Variants in C1QL3 observed in about 807,000 individuals in gnomAD.
C1QL3 encodes the protein complement C1q-like protein 3.
In C1QL3, 4 loss-of-function variants were observed where a neutral mutation model predicts 16.6. That is an observed-to-expected ratio of 0.24 (90% confidence interval 0.12 to 0.55). The LOEUF (loss-of-function observed/expected upper bound fraction) is 0.55. Ranked by LOEUF, C1QL3 falls within the 20% of genes least tolerant of loss-of-function variation. The pLI is 0.94. For synonymous variants in C1QL3, 189 were observed against 160.2 expected (o/e 1.18, Z -1.36); for missense variants, 269 against 365.6 (o/e 0.74, Z 2.16).
In C1QL3 at chr10:16,517,175, G is replaced by A. The variant is rs150327116; in HGVS notation, c.589-2468C>T. On this transcript the variant is annotated intron_variant, in intron 1 of 1. Coordinates refer to ENST00000298943, the MANE Select transcript of C1QL3 (RefSeq NM_001010908.2). ...GAATAAGATCCATCCTTCCTTCAGCGCAATCAACCGATTTCTACCTGAATT... is the reference window on the plus strand; with the variant it reads ...GAATAAGATCCATCCTTCCTTCAGCACAATCAACCGATTTCTACCTGAATT... 3.7e-3 allele frequency among the ~76,000 whole-genome samples: 565 copies of A among 152,192 alleles called. 1 individual carries two copies. Among genetic ancestry groups the A allele is most frequent in the African/African-American group, 0.013 (531 of 41,522 alleles).
At position 16,521,425 on chromosome 10, in the gene C1QL3, C is replaced by A; in HGVS notation, c.-360G>T. The A allele has an allele frequency of 5.5e-6, 1 of 180,546 alleles. No homozygotes were observed. Among genetic ancestry groups the A allele is most frequent in the Middle Eastern group, 2.2e-3 (1 of 462 alleles). The allele number at this position is 180,546 out of a possible 1,614,324, so 11.2% of individuals were successfully genotyped here. ...CTGCAGCCGGCGCCGGCGCGGCCAC[C>A]GGGAGGGCAGAGCCAGCCGCCGCCT... On this transcript the variant is annotated 5_prime_UTR_variant, in exon 1 of 2. Transcript: ENST00000298943.
chr10:16,515,616 A>G (rs944909316), intron 1 of C1QL3, among the ~76,000 whole-genome samples: 1 of 152,150 alleles, frequency 6.6e-6, no homozygotes, highest in African/African-American at 2.4e-5. Context: ...TAGTGAGTTG[A>G]TAGACATTTA....
Position 16,521,263 on chromosome 10 carries a change from T to C in C1QL3, c.-198A>G, listed in dbSNP as rs913342891. On this transcript the variant is annotated 5_prime_UTR_variant, in exon 1 of 2. Transcript: ENST00000298943. ...GCCGGCCGCTGCTGCCGACTCCTGC[T>C]CCCCCCGCGGAGGCTGCGGCTGGGG... 74 of 533,266 alleles carry C rather than the reference T, an allele frequency of 1.4e-4. 1 individual carries two copies. Among genetic ancestry groups the C allele is most frequent in the African/African-American group, 1.1e-3 (56 of 49,072 alleles). The allele number at this position is 533,266 out of a possible 1,614,324, so 33.0% of individuals were successfully genotyped here.
chr10:16,516,733 G>C (rs1041390672), intron 1 of C1QL3, among the ~76,000 whole-genome samples: 1 of 152,108 alleles, frequency 6.6e-6, no homozygotes, highest in African/African-American at 2.4e-5. Context: ...CCACAAAACC[G>C]AGTGAACGTC....
Position 16,520,288 on chromosome 10 carries a change from G to A in C1QL3, c.588+190C>T, listed in dbSNP as rs1282880511. ...GGAACTGCCCTCTCCAGGCCGCGGG[G>A]CGCCCTCCTGCGCGCACGACCCCCG... On this transcript the variant is annotated intron_variant, in intron 1 of 1. Transcript: ENST00000298943. This position sits in a 1 kb window ranked among gnomAD's most constrained non-coding sequence, Gnocchi z 8.3. 2.0e-5 allele frequency among the ~76,000 whole-genome samples: 3 copies of A among 151,920 alleles called. No homozygotes were observed. The highest frequency in any genetic ancestry group is 2.9e-5 in the Non-Finnish European group (2 of 67,912).
rs1837016018 is a variant in C1QL3, at chr10:16,520,067, C to T, written c.588+411G>A. 6.6e-6 allele frequency among the ~76,000 whole-genome samples: 1 copy of T among 152,024 alleles called. No individual in the cohort carries two copies. Among genetic ancestry groups the T allele is most frequent in the Non-Finnish European group, 1.5e-5 (1 of 67,974 alleles). On this transcript the variant is annotated intron_variant, in intron 1 of 1. Coordinates refer to ENST00000298943, the MANE Select transcript of C1QL3 (RefSeq NM_001010908.2). This position sits in a 1 kb window ranked among gnomAD's most constrained non-coding sequence, Gnocchi z 8.3. The stretch of plus-strand genomic sequence containing the variant: ...GTCGGTCACCCTGCCACGCCCATTC[C>T]GGACTCCCCCAGGCCTCTCCACTCC...
chr10:16,520,969 C>A lies in C1QL3; in HGVS notation c.97G>T (p.Asp33Tyr). 1 of 1,587,774 alleles carries A rather than the reference C, an allele frequency of 6.3e-7. No individual in the cohort carries two copies. Among genetic ancestry groups the A allele is most frequent in the South Asian group, 1.1e-5 (1 of 88,506 alleles). ...EMLGTCRMVC[D>Y]PYGGTKAPST... Reference sequence around the variant, plus strand: ...GGCGCCTTGGTGCCCCCGTAGGGGTCGCAGACCATGCGGCAGGTGCCCAGC... The same window carrying A: ...GGCGCCTTGGTGCCCCCGTAGGGGTAGCAGACCATGCGGCAGGTGCCCAGC... The change falls in exon 1 of 2, where the codon GAC becomes TAC. Residue 33 changes from aspartate to tyrosine, a missense_variant. Physicochemically the swap from Asp to Tyr is radical, Grantham distance 160 (BLOSUM62 -3). Coordinates refer to ENST00000298943, the MANE Select transcript of C1QL3 (RefSeq NM_001010908.2). This position sits in a 1 kb window ranked among gnomAD's most constrained non-coding sequence, Gnocchi z 8.3.
Position 16,520,449 on chromosome 10 carries a change from C to CCCCCCA in C1QL3, c.588+28_588+29insTGGGGG. 6 of 1,229,456 alleles carry CCCCCCA rather than the reference C, an allele frequency of 4.9e-6. No individual in the cohort carries two copies. The highest frequency in any genetic ancestry group is 2.8e-5 in the East Asian group (1 of 36,076). 76.2% of individuals were successfully genotyped at this position (1,229,456 alleles called of 1,614,324 possible). On this transcript the variant is annotated intron_variant, in intron 1 of 1. Transcript: ENST00000298943. The surrounding 1 kb of genome is among the most constrained non-coding windows in gnomAD (Gnocchi z 8.3). ...CCCGCACCTTCCCGCGCTCCCTCCC[C>CCCCCCA]GCCCTCCCCGCCGCCCGCCCGCGCT...
intron 1 of C1QL3, among the ~76,000 whole-genome samples, chr10:16,519,682 C>A (rs547769631): frequency 3.8e-4 from 58 of 152,214 alleles, no homozygotes; most frequent in African/African-American, 1.3e-3. Flanking sequence ...CCGATAGACC[C>A]GGGGCTGGGC....
At chr10:16,519,461 G>A (rs1032276983) in intron 1 of C1QL3, among the ~76,000 whole-genome samples, 2 of 152,056 alleles carry the variant, frequency 1.3e-5, no homozygotes, top group Middle Eastern at 3.4e-3. Flanking sequence ...CTGATTCAGC[G>A]TGCACAGAAG....
In C1QL3 at chr10:16,520,798, G is replaced by C. The variant is rs1837029091; in HGVS notation, c.268C>G (p.Pro90Ala). Residue 90 changes from proline to alanine, a missense_variant, in exon 1 of 2, where the codon CCG becomes GCG. Transcript: ENST00000298943. This position sits in a 1 kb window ranked among gnomAD's most constrained non-coding sequence, Gnocchi z 8.3. ...EPGPPGPMGPPGEKGEPGRQG... is the reference protein window; with the variant it reads ...EPGPPGPMGPAGEKGEPGRQG... ...CGGCCCGGCTCGCCCTTCTCGCCCG[G>C]GGGCCCCATGGGGCCGGGTGGCCCG... is the stretch of plus-strand genomic sequence containing the variant. 4.6e-6 allele frequency: 6 copies of C among 1,301,298 alleles called. No individual in the cohort carries two copies. In the African/African-American group the frequency reaches 7.8e-5, roughly 17 times the overall value. 80.6% of individuals were successfully genotyped at this position (1,301,298 alleles called of 1,614,324 possible). A position where few individuals can be genotyped will look rare whatever the true frequency, so the allele number is the denominator to read the frequency against.
chr10:16,516,696 A>T (rs1836956762), intron 1 of C1QL3, among the ~76,000 whole-genome samples: 2 of 152,194 alleles, frequency 1.3e-5, no homozygotes, highest in African/African-American at 4.8e-5. Context: ...TAAAAATATA[A>T]TGCCATTTTT....
rs1401296944 is a variant in C1QL3 at position 16,521,221 on chromosome 10, C to A, written c.-156G>T. The A allele has an allele frequency of 4.7e-6, 3 of 635,290 alleles. No individual in the cohort carries two copies. The East Asian group carries it at 9.8e-5, about 21-fold the overall frequency. 39.4% of individuals were successfully genotyped at this position (635,290 alleles called of 1,614,324 possible). On this transcript the variant is annotated 5_prime_UTR_variant, in exon 1 of 2. Coordinates refer to ENST00000298943, the MANE Select transcript of C1QL3 (RefSeq NM_001010908.2). ...AAACAACCCCCTGCGAACCCCAACT[C>A]CCCTGGGCGTGCGTGCGCCGGCCGC...
In C1QL3 at chr10:16,520,989, C is replaced by T; in HGVS notation, c.77G>A (p.Gly26Asp). Reference sequence around the variant, plus strand: ...GGGGTCGCAGACCATGCGGCAGGTGCCCAGCATCTCGTAGTGCGCCGACGT... The same window carrying T: ...GGGGTCGCAGACCATGCGGCAGGTGTCCAGCATCTCGTAGTGCGCCGACGT... The part of the protein sequence containing the change: ...AGTSAHYEML[G>D]TCRMVCDPYG... Residue 26 changes from glycine to aspartate, a missense_variant, in exon 1 of 2, where the codon GGC (glycine) becomes GAC (aspartate). This residue lies in a region of C1QL3 where 246 missense variants were observed against 297.2 expected (regional missense o/e 0.83). Transcript: ENST00000298943. The surrounding 1 kb of genome is among the most constrained non-coding windows in gnomAD (Gnocchi z 8.3). 1.3e-6 allele frequency: 2 copies of T among 1,594,390 alleles called. No individual in the cohort carries two copies. The highest frequency in any genetic ancestry group is 1.7e-6 in the Non-Finnish European group (2 of 1,176,708).
chr10:16,520,331 G>A lies in C1QL3; in HGVS notation c.588+147C>T. On this transcript the variant is annotated intron_variant, in intron 1 of 1. Transcript: ENST00000298943. This position sits in a 1 kb window ranked among gnomAD's most constrained non-coding sequence, Gnocchi z 8.3. Reference sequence around the variant, plus strand: ...GACCCCCGCCTCTCCAGGGTGGGACGGCGTCCCCCCTTGCCGTCGCTCCAG... The same window carrying A: ...GACCCCCGCCTCTCCAGGGTGGGACAGCGTCCCCCCTTGCCGTCGCTCCAG... 1 of 625,910 alleles carries A rather than the reference G, an allele frequency of 1.6e-6. No individual in the cohort carries two copies. The highest frequency in any genetic ancestry group is 2.0e-5 in the South Asian group (1 of 48,804). 38.8% of individuals were successfully genotyped at this position (625,910 alleles called of 1,614,324 possible). A position where few individuals can be genotyped will look rare whatever the true frequency, so the allele number is the denominator to read the frequency against.
In C1QL3 at chr10:16,520,238, G is replaced by T; in HGVS notation, c.588+240C>A. On this transcript the variant is annotated intron_variant, in intron 1 of 1. Transcript: ENST00000298943. This position sits in a 1 kb window ranked among gnomAD's most constrained non-coding sequence, Gnocchi z 8.3. ...TCGAGGGTCGCGCTCGCAGGGGCGC[G>T]CACCGATCGAGGGTCCCAGACTCCG... Among the ~76,000 whole-genome samples the T allele has an allele frequency of 6.6e-6, 1 of 152,032 alleles. No homozygotes were observed. Among genetic ancestry groups the T allele is most frequent in the East Asian group, 2.0e-4 (1 of 5,096 alleles).
chr10:16,515,036 C>T (rs1836928228), intron 1 of C1QL3, among the ~76,000 whole-genome samples: 1 of 152,206 alleles, frequency 6.6e-6, no homozygotes, highest in African/African-American at 2.4e-5. Flanking sequence ...TGCCCAATCA[C>T]ATTTTGAAAT....
In C1QL3 at chr10:16,520,768, C is replaced by A; in HGVS notation, c.298G>T (p.Gly100Cys). The A allele has an allele frequency of 3.0e-6, 4 of 1,313,360 alleles. No individual in the cohort carries two copies. Among genetic ancestry groups the A allele is most frequent in the Non-Finnish European group, 3.9e-6 (4 of 1,030,600 alleles). 81.4% of individuals were successfully genotyped at this position (1,313,360 alleles called of 1,614,324 possible). A position where few individuals can be genotyped will look rare whatever the true frequency, so the allele number is the denominator to read the frequency against. The change falls in exon 1 of 2, where the codon GGC becomes TGC. Residue 100 changes from glycine to cysteine, a missense_variant. Coordinates refer to ENST00000298943, the MANE Select transcript of C1QL3 (RefSeq NM_001010908.2). This position sits in a 1 kb window ranked among gnomAD's most constrained non-coding sequence, Gnocchi z 8.3. ...PGEKGEPGRQGLPGPPGAPGL... is the reference protein window; with the variant it reads ...PGEKGEPGRQCLPGPPGAPGL... ...GGCGCCCCGGGCGGGCCCGGCAGGC[C>A]TTGGCGGCCCGGCTCGCCCTTCTCG...
Position 16,520,833 on chromosome 10 carries a change from G to A in C1QL3, c.233C>T (p.Pro78Leu), listed in dbSNP as rs1310808571. Reference protein sequence around the residue: ...RPGKAGPRGPPGEPGPPGPMG... With the variant: ...RPGKAGPRGPLGEPGPPGPMG... Reference sequence around the variant, plus strand: ...GGGGCCGGGTGGCCCGGGCTCTCCGGGGGGCCCGCGCGGACCCGCCTTCCC... The same window carrying A: ...GGGGCCGGGTGGCCCGGGCTCTCCGAGGGGCCCGCGCGGACCCGCCTTCCC... Residue 78 changes from proline (P) to leucine (L), a missense_variant, in exon 1 of 2, where the codon CCC (proline) becomes CTC (leucine). Physicochemically the swap from Pro to Leu is moderately conservative, Grantham distance 98. Transcript: ENST00000298943. This position sits in a 1 kb window ranked among gnomAD's most constrained non-coding sequence, Gnocchi z 8.3. 7.2e-7 allele frequency: 1 copy of A among 1,387,002 alleles called. No individual in the cohort carries two copies. The highest frequency in any genetic ancestry group is 9.3e-7 in the Non-Finnish European group (1 of 1,073,720). 85.9% of individuals were successfully genotyped at this position (1,387,002 alleles called of 1,614,324 possible).
Sources: allele counts gnomAD v4.1 joint callset (sites outside exome capture counted in the v4.1 genomes callset), GRCh38; gene constraint gnomAD v4.1.1; regional missense constraint gnomAD v4.1.1; non-coding constraint Gnocchi (gnomAD v3.1); transcripts MANE v1.5; gene names NCBI Gene and HGNC (gene_info 2026-07-23, HGNC 2026-07-21).